The following RAPH1 variants were observed in gnomAD, a reference collection of about 807,000 sequenced individuals.
RAPH1 encodes the protein ras-associated and pleckstrin homology domains-containing protein 1.
RAPH1 carries 18 observed loss-of-function variants against 88.1 expected under a neutral mutation model. The ratio of observed to expected loss-of-function variants is 0.20; its 90% CI spans 0.14 to 0.30. The LOEUF (loss-of-function observed/expected upper bound fraction) is 0.30, where lower values mean the gene tolerates loss of function less well. Ranked by LOEUF, RAPH1 falls within the 10% of genes least tolerant of loss-of-function variation. The pLI, the probability that RAPH1 is intolerant of heterozygous loss-of-function variation, is 1.00. For missense variants in RAPH1, 1,448 were observed against 1,543.2 expected (o/e 0.94, Z 1.03); for synonymous variants, 587 against 559.0 (o/e 1.05, Z -0.71).
intron 1 of RAPH1, among the ~76,000 whole-genome samples, chr2:203,534,090 C>T (rs1290578440): frequency 6.6e-6 from 1 of 152,184 alleles, no homozygotes; most frequent in Non-Finnish European, 1.5e-5. Context: ...CATGGACTGA[C>T]TCTTTAATAA....
intron 10 of RAPH1, among the ~76,000 whole-genome samples, chr2:203,453,875 T>C (rs2098516924): frequency 6.6e-6 from 1 of 151,874 alleles, no homozygotes; most frequent in South Asian, 2.1e-4. Flanking sequence ...GAAGTACAGA[T>C]ATAATCATTG....
intron 1 of RAPH1, among the ~76,000 whole-genome samples, chr2:203,519,921 C>T (rs1251687887): frequency 1.3e-5 from 2 of 152,164 alleles, no homozygotes; most frequent in Non-Finnish European, 2.9e-5. Context: ...GCACTTTTAA[C>T]CTTACAGTGA....
intron 1 of RAPH1, among the ~76,000 whole-genome samples, chr2:203,532,167 G>A (rs913063006): frequency 6.6e-6 from 1 of 152,128 alleles, no homozygotes; most frequent in African/African-American, 2.4e-5. Flanking sequence ...TTACTAGGAG[G>A]GTAGGGTAGA....
intron 4 of RAPH1, among the ~76,000 whole-genome samples, chr2:203,488,439 A>G (rs181690842): frequency 1.1e-3 from 170 of 151,778 alleles, no homozygotes; most frequent in Admixed American, 2.2e-3. Flanking sequence ...AAATACAAAA[A>G]TTAGCCAGGC....
At chr2:203,451,303 C>T (rs532476825) in intron 10 of RAPH1, among the ~76,000 whole-genome samples, 1 of 152,226 alleles carries the variant, frequency 6.6e-6, no homozygotes, top group East Asian at 1.9e-4. Context: ...CTCTGAGTTA[C>T]ATATTATTAT....
chr2:203,511,208 C>A lies in RAPH1; in HGVS notation c.1-15855G>T, dbSNP rs574282675. ...ATATATTCTTTCTTGATGCAAATTT[C>A]GACTTTTTTCTGCCAAGTATTTCTA... On this transcript the variant is annotated intron_variant, in intron 1 of 13. Coordinates refer to ENST00000319170, the MANE Select transcript of RAPH1 (RefSeq NM_213589.3). Among the ~76,000 whole-genome samples the A allele has an allele frequency of 4.6e-5, 7 of 151,414 alleles. No homozygotes were observed. In the South Asian group the frequency reaches 8.4e-4, roughly 18 times the overall value.
intron 13 of RAPH1, 83 bp downstream of exon 13, chr2:203,444,785 C>A: frequency 1.6e-6 from 2 of 1,282,080 alleles, no homozygotes; most frequent in Admixed American, 2.0e-5. Context: ...AATAAGATCC[C>A]CGATAAAGAC....
chr2:203,507,018 T>TCCC (rs1689119799), intron 1 of RAPH1, among the ~76,000 whole-genome samples: 1 of 149,038 alleles, frequency 6.7e-6, no homozygotes, highest in Non-Finnish European at 1.5e-5. Flanking sequence ...TGCCCCAGAC[T>TCCC]CCCAAGTAGC....
chr2:203,508,489 C>T (rs1689191488), intron 1 of RAPH1, among the ~76,000 whole-genome samples: 2 of 152,116 alleles, frequency 1.3e-5, no homozygotes, highest in Admixed American at 6.6e-5. Context: ...TTACAGTTTT[C>T]CCTTGGCACC....
chr2:203,491,153 C>G lies in RAPH1; in HGVS notation c.226+61G>C, dbSNP rs1688247322. 5.6e-6 allele frequency: 6 copies of G among 1,072,524 alleles called. No homozygotes were observed. The South Asian group carries it at 8.6e-5, about 15-fold the overall frequency. 66.4% of individuals were successfully genotyped at this position (1,072,524 alleles called of 1,614,324 possible). On this transcript the variant is annotated intron_variant, in intron 3 of 13. Coordinates refer to ENST00000319170, the MANE Select transcript of RAPH1 (RefSeq NM_213589.3). ...TTTTATATTGGGAATTGCAGTTGTA[C>G]TGCTCCTACATTGTGTGACTTAGCA... is the stretch of plus-strand genomic sequence containing the variant.
intron 4 of RAPH1, among the ~76,000 whole-genome samples, chr2:203,476,476 A>AT (rs568490231): frequency 1.1e-4 from 17 of 151,908 alleles, no homozygotes; most frequent in South Asian, 1.0e-3. Context: ...CGGCCACGAG[A>AT]TTTTTTTTAC....
chr2:203,507,149 G>C (rs569036631), intron 1 of RAPH1, among the ~76,000 whole-genome samples: 1 of 150,658 alleles, frequency 6.6e-6, no homozygotes, highest in Non-Finnish European at 1.5e-5. Flanking sequence ...CGCCCACCTC[G>C]GCCTCCCAAA....
chr2:203,490,529 C>A (rs1688213412), intron 3 of RAPH1, among the ~76,000 whole-genome samples: 1 of 152,136 alleles, frequency 6.6e-6, no homozygotes, highest in South Asian at 2.1e-4. Context: ...AGGTGGAATA[C>A]AACAGATAAA....
At chr2:203,477,055 T>C (rs774508081) in intron 4 of RAPH1, 5 of 1,568,446 alleles carry the variant, frequency 3.2e-6, no homozygotes, top group Non-Finnish European at 2.6e-6. Context: ...AGTCATGCCA[T>C]GGCATGTTTA....
chr2:203,518,599 T>C (rs1424614024), intron 1 of RAPH1, among the ~76,000 whole-genome samples: 1 of 151,266 alleles, frequency 6.6e-6, no homozygotes, highest in African/African-American at 2.4e-5. Context: ...ACAATCCTAG[T>C]GCTTTGAGAG....
chr2:203,526,450 C>G (rs976945155), intron 1 of RAPH1, among the ~76,000 whole-genome samples: 1 of 152,090 alleles, frequency 6.6e-6, no homozygotes, highest in Non-Finnish European at 1.5e-5. Flanking sequence ...ACTGGCCAGG[C>G]GAGATGGCTC....
chr2:203,496,523 C>T (rs1688524027), intron 1 of RAPH1, among the ~76,000 whole-genome samples: 1 of 152,084 alleles, frequency 6.6e-6, no homozygotes, highest in South Asian at 2.1e-4. Context: ...TTCAAATAAA[C>T]ACTAGCTTTG....
At chr2:203,449,148 C>T (rs2098512605) in intron 10 of RAPH1, among the ~76,000 whole-genome samples, 2 of 152,222 alleles carry the variant, frequency 1.3e-5, no homozygotes, top group Admixed American at 1.3e-4. Flanking sequence ...TAACAGAGTC[C>T]ATAGAATTCT....
At chr2:203,498,927 A>AT (rs1688624523) in intron 1 of RAPH1, among the ~76,000 whole-genome samples, 1 of 152,154 alleles carries the variant, frequency 6.6e-6, no homozygotes, top group Non-Finnish European at 1.5e-5. Flanking sequence ...TTTAGATACC[A>AT]TTGTATTACA....
Sources: allele counts gnomAD v4.1 joint callset (sites outside exome capture counted in the v4.1 genomes callset), GRCh38; gene constraint gnomAD v4.1.1; transcripts MANE v1.5; gene names NCBI Gene and HGNC (gene_info 2026-07-23, HGNC 2026-07-21).